The following ARHGEF26 variants were observed in gnomAD, a reference collection of about 807,000 sequenced individuals.
ARHGEF26 encodes Rho guanine nucleotide exchange factor (GEF) 26.
Under a neutral mutation model 89.4 loss-of-function variants are expected in ARHGEF26, and 59 were observed. The observed-to-expected ratio is 0.66, with a 90% CI of 0.54 to 0.82. The LOEUF is 0.82. Ranked by LOEUF, ARHGEF26 falls within the 40% of genes least tolerant of loss-of-function variation. ARHGEF26 has a pLI of 0.00. For synonymous variants in ARHGEF26, 500 were observed against 428.4 expected (o/e 1.17, Z -2.06); for missense variants, 1,234 against 1,085.6 (o/e 1.14, Z -1.92).
chr3:154,251,869 GC>G (rs1718174635), intron 12 of ARHGEF26, among the ~76,000 whole-genome samples: 1 of 152,188 alleles, frequency 6.6e-6, no homozygotes, highest in East Asian at 1.9e-4. Flanking sequence ...GAATGGAAAT[GC>G]CTGGCGCATC....
intron 6 of ARHGEF26, among the ~76,000 whole-genome samples, chr3:154,186,744 A>G (rs1713577323): frequency 6.6e-6 from 1 of 152,024 alleles, no homozygotes; most frequent in Admixed American, 6.6e-5. Flanking sequence ...CCTGGGTGAC[A>G]GAGTGAGGCC....
chr3:154,202,414 A>G (rs1714704420), intron 9 of ARHGEF26, among the ~76,000 whole-genome samples: 1 of 152,066 alleles, frequency 6.6e-6, no homozygotes, highest in South Asian at 2.1e-4. Context: ...GCCTTGTAGT[A>G]TAGTTTGAAG....
At chr3:154,172,440 A>G (rs1308855825) in intron 6 of ARHGEF26, among the ~76,000 whole-genome samples, 1 of 152,228 alleles carries the variant, frequency 6.6e-6, no homozygotes, top group East Asian at 1.9e-4. Flanking sequence ...CACACCTGTA[A>G]TCCCAGCACT....
intron 6 of ARHGEF26, among the ~76,000 whole-genome samples, chr3:154,186,945 C>T (rs1449105077): frequency 8.8e-6 from 1 of 113,168 alleles, no homozygotes; most frequent in African/African-American, 3.4e-5. Context: ...AGGCTGGAGT[C>T]CAGTGGCGTG....
intron 6 of ARHGEF26, among the ~76,000 whole-genome samples, chr3:154,173,792 G>T (rs1288840344): frequency 6.6e-6 from 1 of 152,134 alleles, no homozygotes; most frequent in Non-Finnish European, 1.5e-5. Context: ...AGGCCTGCAG[G>T]TTCCTGACAA....
At chr3:154,232,132 C>T (rs1716864491) in intron 11 of ARHGEF26, among the ~76,000 whole-genome samples, 1 of 152,122 alleles carries the variant, frequency 6.6e-6, no homozygotes, top group African/African-American at 2.4e-5. Flanking sequence ...GAGAGAGCTT[C>T]AGAAAGGTGG....
Position 154,253,173 on chromosome 3 carries a change from A to T in ARHGEF26, c.2358A>T (p.Ala786=). 1 of 1,614,072 alleles carries T rather than the reference A, an allele frequency of 6.2e-7. No homozygotes were observed. Among genetic ancestry groups the T allele is most frequent in the Non-Finnish European group, 8.5e-7 (1 of 1,179,896 alleles). The change falls in exon 13 of 15, where the codon GCA becomes GCT. Residue 786 remains alanine, a synonymous_variant. Transcript: ENST00000465093. Reference sequence around the variant, plus strand: ...GACACAGCAGCGGGAAGCCGCCTGCAGACCGAACCTGTAAGTTCTCTCAAG... The same window carrying T: ...GACACAGCAGCGGGAAGCCGCCTGCTGACCGAACCTGTAAGTTCTCTCAAG... The part of the protein sequence containing the change: ...ALGHSSGKPP[A]DRTSLTQVEI...
chr3:154,179,386 C>T (rs1476527559), intron 6 of ARHGEF26, among the ~76,000 whole-genome samples: 2 of 152,174 alleles, frequency 1.3e-5, no homozygotes, highest in Non-Finnish European at 2.9e-5. Flanking sequence ...TAATGAGAAG[C>T]TTTCTTGCTT....
intron 9 of ARHGEF26, among the ~76,000 whole-genome samples, chr3:154,211,074 T>C (rs1715332436): frequency 1.3e-5 from 2 of 151,610 alleles, no homozygotes; most frequent in Admixed American, 6.6e-5. Context: ...CATTTTTTCC[T>C]CTCGTCTTCT....
chr3:154,251,320 A>G (rs1487041410), intron 12 of ARHGEF26, among the ~76,000 whole-genome samples: 1 of 152,232 alleles, frequency 6.6e-6, no homozygotes, highest in Admixed American at 6.5e-5. Flanking sequence ...TTAGTACCAT[A>G]CCTGACACAT....
In ARHGEF26 at chr3:154,247,327, CT is replaced by C. The variant is rs1266367269; in HGVS notation, c.2301-5788del. On this transcript the variant is annotated intron_variant, in intron 12 of 14. Coordinates refer to ENST00000465093, the MANE Select transcript of ARHGEF26 (RefSeq NM_015595.4). ...CGTTATCCAGTCTGGAGACTTGGTG[CT>C]GTTTTTGATGCTTCTGTGTCAGAAC... Among the ~76,000 whole-genome samples, 3 of 152,276 alleles carry C rather than the reference CT, an allele frequency of 2.0e-5. No individual in the cohort carries two copies. The East Asian group carries it at 5.8e-4, about 29-fold the overall frequency.
intron 5 of ARHGEF26, among the ~76,000 whole-genome samples, chr3:154,149,721 A>G (rs1022226190): frequency 6.6e-6 from 1 of 152,158 alleles, no homozygotes; most frequent in Non-Finnish European, 1.5e-5. Flanking sequence ...TATGATAAAA[A>G]ATGAAACCAA....
At position 154,122,456 on chromosome 3, in the gene ARHGEF26, C is replaced by T; in HGVS notation, c.464C>T (p.Pro155Leu). 6.2e-7 allele frequency: 1 copy of T among 1,612,224 alleles called. No individual in the cohort carries two copies. The highest frequency in any genetic ancestry group is 1.1e-5 in the South Asian group (1 of 91,036). ...RPPRTPNAPA[P>L]CTPEEDLTGL... is the part of the protein sequence containing the mutation. ...CCGCGGACTCCTAACGCGCCCGCCC[C>T]CTGCACCCCCGAGGAGGACCTTACT... The change falls in exon 2 of 15, where the codon CCC becomes CTC. Residue 155 changes from proline (P) to leucine (L), a missense_variant. Transcript: ENST00000465093.
intron 8 of ARHGEF26, among the ~76,000 whole-genome samples, chr3:154,192,443 C>T (rs1714008747): frequency 6.6e-6 from 1 of 152,144 alleles, no homozygotes; most frequent in African/African-American, 2.4e-5. Context: ...GTTTTGGAGA[C>T]GTTTTGTCAG....
At chr3:154,208,849 T>C (rs1169969671) in intron 9 of ARHGEF26, among the ~76,000 whole-genome samples, 1 of 140,460 alleles carries the variant, frequency 7.1e-6, no homozygotes, top group Non-Finnish European at 1.5e-5. Context: ...CACTGCAACC[T>C]CCGCCTACCG....
At chr3:154,158,933 A>G (rs1711514553) in intron 6 of ARHGEF26, among the ~76,000 whole-genome samples, 1 of 152,134 alleles carries the variant, frequency 6.6e-6, no homozygotes, top group Non-Finnish European at 1.5e-5. Context: ...AATATGATCT[A>G]ACACCAATTG....
intron 5 of ARHGEF26, among the ~76,000 whole-genome samples, chr3:154,150,202 T>C (rs1719938840): frequency 1.3e-5 from 2 of 151,880 alleles, no homozygotes; most frequent in Non-Finnish European, 2.9e-5. Context: ...GTGCCATTTT[T>C]TCAAGTTTAA....
intron 10 of ARHGEF26, among the ~76,000 whole-genome samples, chr3:154,218,915 C>T (rs972089104): frequency 1.3e-5 from 2 of 152,162 alleles, no homozygotes; most frequent in African/African-American, 2.4e-5. Flanking sequence ...GGACTAAGGT[C>T]TAGATGTCCT....
intron 6 of ARHGEF26, among the ~76,000 whole-genome samples, chr3:154,172,734 C>A (rs1325821736): frequency 6.6e-6 from 1 of 152,040 alleles, no homozygotes; most frequent in Non-Finnish European, 1.5e-5. Context: ...GAAGAGCCAG[C>A]CATATAGAAC....
Sources: allele counts gnomAD v4.1 joint callset (sites outside exome capture counted in the v4.1 genomes callset), GRCh38; gene constraint gnomAD v4.1.1; transcripts MANE v1.5; gene names NCBI Gene and HGNC (gene_info 2026-07-23, HGNC 2026-07-21).